POLD3: variants seen among roughly 807,000 people sequenced by gnomAD.
POLD3 encodes the protein DNA polymerase delta subunit 3.
A neutral mutation model predicts 58.2 loss-of-function variants in POLD3; 19 were observed. The ratio of observed to expected loss-of-function variants is 0.33; its 90% CI spans 0.23 to 0.48. The LOEUF (loss-of-function observed/expected upper bound fraction) is 0.48, where lower values mean the gene tolerates loss of function less well. Among genes scored for constraint, POLD3 ranks in the 20% least tolerant of loss-of-function variants. The pLI is 0.99. For missense variants in POLD3, 504 were observed against 545.5 expected (o/e 0.92, Z 0.76); for synonymous variants, 172 against 193.5 (o/e 0.89, Z 0.92).
At chr11:74,628,595 T>C (rs2032499118) in intron 8 of POLD3, among the ~76,000 whole-genome samples, 1 of 152,174 alleles carries the variant, frequency 6.6e-6, no homozygotes, top group East Asian at 1.9e-4. Context: ...TGATGGAGTC[T>C]AGGATTTTTT....
chr11:74,662,936 C>A (rs2033222072), intron 4 of POLD3, among the ~76,000 whole-genome samples: 2 of 152,178 alleles, frequency 1.3e-5, no homozygotes, highest in Admixed American at 1.3e-4. Flanking sequence ...GAGTTCAGCC[C>A]AGTTTTGCTG....
intron 3 of POLD3, among the ~76,000 whole-genome samples, chr11:74,609,606 C>T (rs1056585772): frequency 6.6e-6 from 1 of 151,502 alleles, no homozygotes; most frequent in Non-Finnish European, 1.5e-5. Context: ...TGATCTTGAA[C>T]TCCTGACCTC....
chr11:74,621,575 A>G (rs991941193), intron 7 of POLD3, among the ~76,000 whole-genome samples: 1 of 152,134 alleles, frequency 6.6e-6, no homozygotes, highest in Non-Finnish European at 1.5e-5. Context: ...AAGTATGCTT[A>G]TTTAAATCAT....
intron 4 of POLD3, among the ~76,000 whole-genome samples, chr11:74,660,573 A>G (rs961336492): frequency 6.6e-6 from 1 of 151,966 alleles, no homozygotes; most frequent in Non-Finnish European, 1.5e-5. Flanking sequence ...TGTACTCCCC[A>G]GTGTTGGAGG....
intron 3 of POLD3, among the ~76,000 whole-genome samples, chr11:74,610,149 A>G (rs1342425546): frequency 1.3e-5 from 2 of 150,680 alleles, no homozygotes; most frequent in Non-Finnish European, 2.9e-5. Context: ...ATGTTATAAT[A>G]TGTTTTAGGG....
chr11:74,664,596 TAC>T (rs2033243749), intron 4 of POLD3, among the ~76,000 whole-genome samples: 1 of 151,946 alleles, frequency 6.6e-6, no homozygotes. Flanking sequence ...ATAAGAAAAC[TAC>T]AGACTAATAT....
In POLD3 at chr11:74,619,921, C is replaced by T. The variant is rs576464323; in HGVS notation, c.661-96C>T. 1.5e-4 allele frequency: 132 copies of T among 904,272 alleles called. 1 individual carries two copies. In the African/African-American group the frequency reaches 1.7e-3, roughly 12 times the overall value. The allele number at this position is 904,272 out of a possible 1,614,324, so 56.0% of individuals were successfully genotyped here. A position where few individuals can be genotyped will look rare whatever the true frequency, so the allele number is the denominator to read the frequency against. Reference sequence around the variant, plus strand: ...CATGATTATATAGAGACTATACCATCGCAACAGTTTGCTATAGAAGAGTTT... The same window carrying T: ...CATGATTATATAGAGACTATACCATTGCAACAGTTTGCTATAGAAGAGTTT... On this transcript the variant is annotated intron_variant, in intron 6 of 11. Coordinates refer to ENST00000263681, the MANE Select transcript of POLD3 (RefSeq NM_006591.3).
chr11:74,623,738 A>G (rs1358345346), intron 7 of POLD3, among the ~76,000 whole-genome samples: 2 of 152,210 alleles, frequency 1.3e-5, no homozygotes, highest in African/African-American at 4.8e-5. Context: ...TGTTTTCTTG[A>G]GTATAAAAAG....
Position 74,641,156 on chromosome 11 carries a change from C to G in POLD3, c.*390C>G, listed in dbSNP as rs1051058. ...TTATTCCTTCTTGTTCCTCTGTATTCTAAGAATTCATGTGGGTGTTTCTTA... is the reference window on the plus strand; with the variant it reads ...TTATTCCTTCTTGTTCCTCTGTATTGTAAGAATTCATGTGGGTGTTTCTTA... On this transcript the variant is annotated 3_prime_UTR_variant, in exon 12 of 12. Coordinates refer to ENST00000263681, the MANE Select transcript of POLD3 (RefSeq NM_006591.3). 219,859 of 988,702 alleles carry G rather than the reference C, an allele frequency of 0.22. 25,491 individuals are homozygous for G. Among genetic ancestry groups the G allele is most frequent in the South Asian group, 0.4 (8,541 of 21,308 alleles). 61.2% of individuals were successfully genotyped at this position (988,702 alleles called of 1,614,324 possible).
rs780615425 is a variant in POLD3 at position 74,640,565 on chromosome 11, G to T, written c.1200G>T (p.Val400=). The change falls in exon 12 of 12, where the codon GTG becomes GTT. Residue 400 remains valine, a splice_region_variant and synonymous_variant. Transcript: ENST00000263681. ...KTYLDGEGCI[V]TEKVYESESC... ...TCCATTTTTTTCTCATCCTACCAGT[G>T]ACTGAAAAAGTCTACGAGAGTGAAT... The T allele has an allele frequency of 6.6e-7, 1 of 1,514,288 alleles. No individual in the cohort carries two copies. Among genetic ancestry groups the T allele is most frequent in the Non-Finnish European group, 8.8e-7 (1 of 1,132,910 alleles). The allele number at this position is 1,514,288 out of a possible 1,614,324, so 93.8% of individuals were successfully genotyped here. A position where few individuals can be genotyped will look rare whatever the true frequency, so the allele number is the denominator to read the frequency against.
At chr11:74,647,223 G>A (rs1024027870), downstream of POLD3, among the ~76,000 whole-genome samples, 1 of 152,212 alleles carries the variant, frequency 6.6e-6, no homozygotes. Flanking sequence ...TCCGCAGCCC[G>A]GGGGTTGGGG....
At chr11:74,614,477 G>A (rs1475124073) in intron 5 of POLD3, among the ~76,000 whole-genome samples, 3 of 152,202 alleles carry the variant, frequency 2.0e-5, no homozygotes, top group African/African-American at 7.2e-5. Context: ...TTGGGAGGCC[G>A]AGGCAGGTGG....
chr11:74,639,741 T>G (rs941031200), intron 11 of POLD3, among the ~76,000 whole-genome samples: 2 of 152,252 alleles, frequency 1.3e-5, no homozygotes, highest in Admixed American at 6.5e-5. Flanking sequence ...ACTGTTACAG[T>G]TCTTTTCCAA....
At chr11:74,663,992 C>G (rs2033235848) in intron 4 of POLD3, among the ~76,000 whole-genome samples, 1 of 151,970 alleles carries the variant, frequency 6.6e-6, no homozygotes, top group Non-Finnish European at 1.5e-5. Context: ...AGAACCGGCA[C>G]TGAATAAAGG....
chr11:74,650,384 C>G (rs143574407), intron 4 of POLD3, among the ~76,000 whole-genome samples: 120 of 152,324 alleles, frequency 7.9e-4, no homozygotes, highest in African/African-American at 2.8e-3. Flanking sequence ...CCCTACCTTT[C>G]AGGTGGGCTG....
chr11:74,635,293 A>G (rs1325011474), intron 10 of POLD3, among the ~76,000 whole-genome samples: 1 of 152,182 alleles, frequency 6.6e-6, no homozygotes, highest in Non-Finnish European at 1.5e-5. Flanking sequence ...TGATTTCCTC[A>G]TTAGCTGAAG....
At chr11:74,600,710 C>CTTTTTTTTTT (rs57206403) in intron 2 of POLD3, among the ~76,000 whole-genome samples, 1 of 63,008 alleles carries the variant, frequency 1.6e-5, no homozygotes, top group Non-Finnish European at 2.8e-5. Flanking sequence ...GAATTCTTTC[C>CTTTTTTTTTT]TTTTTTTTTT....
intron 4 of POLD3, among the ~76,000 whole-genome samples, chr11:74,659,089 ATCT>A (rs1591329948): frequency 6.6e-6 from 1 of 152,130 alleles, no homozygotes; most frequent in East Asian, 1.9e-4. Context: ...ATTTCCATAC[ATCT>A]TCTGAAATCT....
chr11:74,629,729 C>T (rs1333456521), intron 9 of POLD3, among the ~76,000 whole-genome samples: 1 of 151,998 alleles, frequency 6.6e-6, no homozygotes, highest in Non-Finnish European at 1.5e-5. Context: ...GAACAACCTA[C>T]AGTGTCATTG....
Sources: allele counts gnomAD v4.1 joint callset (sites outside exome capture counted in the v4.1 genomes callset), GRCh38; gene constraint gnomAD v4.1.1; transcripts MANE v1.5; gene names NCBI Gene and HGNC (gene_info 2026-07-23, HGNC 2026-07-21).